Variants in SH3BP1 observed in about 807,000 individuals in gnomAD.
SH3BP1 encodes SH3 domain binding protein 1.
In SH3BP1, 46 loss-of-function variants were observed where a neutral mutation model predicts 69.8. The observed-to-expected ratio is 0.66, with a 90% CI of 0.52 to 0.84. The LOEUF is 0.84. Ranked by LOEUF, SH3BP1 falls within the 40% of genes least tolerant of loss-of-function variation. The pLI, the probability that SH3BP1 is intolerant of heterozygous loss-of-function variation, is 0.00. For synonymous variants in SH3BP1, 403 were observed against 378.0 expected, an observed-to-expected ratio of 1.07 and a Z score of -0.77; for missense variants, 868 against 930.9, an observed-to-expected ratio of 0.93 and a Z score of 0.88.
Position 37,645,083 on chromosome 22 carries a change from C to T in SH3BP1, c.778+123C>T, listed in dbSNP as rs555819050. 7.3e-4 allele frequency: 703 copies of T among 961,040 alleles called. 9 individuals carry two copies. The highest frequency in any genetic ancestry group is 6.4e-3 in the South Asian group (424 of 66,508). 59.5% of individuals were successfully genotyped at this position (961,040 alleles called of 1,614,324 possible). On this transcript the variant is annotated intron_variant, in intron 9 of 17. Coordinates refer to ENST00000649765, the MANE Select transcript of SH3BP1 (RefSeq NM_018957.6). ...GTGGATGGGTTCTGAGAGCTAGGCT[C>T]AATCTGTGATGGAGAGGCAGCTCTG...
intron 15 of SH3BP1, 121 bp from the exon 16 acceptor site, chr22:37,650,421 C>G: frequency 6.7e-7 from 1 of 1,492,482 alleles, no homozygotes; most frequent in Non-Finnish European, 9.0e-7. Context: ...GAGGCTCACA[C>G]GGGAGTGGGG....
intron 14 of SH3BP1, 197 bp downstream of exon 14, chr22:37,648,632 C>T: frequency 1.9e-6 from 1 of 537,560 alleles, no homozygotes; most frequent in Admixed American, 3.1e-5. Context: ...GCAATTCTGG[C>T]ATTTTGGCCA....
rs1601592083 is a variant in SH3BP1, at chr22:37,655,266, C to G, written c.1694-6C>G. The stretch of plus-strand genomic sequence containing the variant: ...CAGCCTCCCTCACCCTTTCCTTCCT[C>G]AACAGCCAAGCGCCCGGCGCCAGCC... On this transcript the variant is annotated splice_region_variant and splice_polypyrimidine_tract_variant and intron_variant, in intron 17 of 17. Transcript: ENST00000649765. The G allele has an allele frequency of 6.3e-7, 1 of 1,583,984 alleles. No homozygotes were observed. Among genetic ancestry groups the G allele is most frequent in the East Asian group, 2.3e-5 (1 of 43,786 alleles).
At position 37,645,358 on chromosome 22, in the gene SH3BP1, C is replaced by A; in HGVS notation, c.779-7C>A. The A allele has an allele frequency of 6.3e-7, 1 of 1,599,682 alleles. No individual in the cohort carries two copies. The highest frequency in any genetic ancestry group is 1.1e-5 in the South Asian group (1 of 90,522). On this transcript the variant is annotated splice_polypyrimidine_tract_variant and splice_region_variant and intron_variant, in intron 9 of 17. Coordinates refer to ENST00000649765, the MANE Select transcript of SH3BP1 (RefSeq NM_018957.6). ...CCCTGGGCCGCTGATCTGTTTCATC[C>A]CTGCAGACCACTCCCCTTCGATGAC...
In SH3BP1 at chr22:37,646,613, C is replaced by A. The variant is rs184746666; in HGVS notation, c.925-205C>A. ...CCCCATGATTTTTCCCGCCTCCTCC[C>A]AGACTTCCCAGCCCTGCCCTTTGCT... is the stretch of plus-strand genomic sequence containing the variant. On this transcript the variant is annotated intron_variant, in intron 10 of 17. Coordinates refer to ENST00000649765, the MANE Select transcript of SH3BP1 (RefSeq NM_018957.6). 6.8e-3 allele frequency among the ~76,000 whole-genome samples: 1,034 copies of A among 152,318 alleles called. 7 individuals are homozygous for A. The highest frequency in any genetic ancestry group is 0.01 in the Non-Finnish European group (695 of 68,024).
intron 1 of SH3BP1, 72 bp downstream of exon 1, chr22:37,639,918 GA>G: frequency 9.7e-7 from 1 of 1,029,878 alleles, no homozygotes; most frequent in Non-Finnish European, 1.4e-6. Flanking sequence ...GGTCGGGGGA[GA>G]CGGGGGTGGG....
chr22:37,649,729 A>G (rs1480042699), intron 14 of SH3BP1: 3 of 241,544 alleles, frequency 1.2e-5, no homozygotes, highest in Non-Finnish European at 2.5e-5. Context: ...GGATGCGGTG[A>G]GCCAAGATCG....
rs1022445459 is a variant in SH3BP1 at position 37,655,883 on chromosome 22, T to G, written c.*199T>G. 9.1e-6 allele frequency: 14 copies of G among 1,539,412 alleles called. No individual in the cohort carries two copies. Among genetic ancestry groups the G allele is most frequent in the Non-Finnish European group, 1.2e-5 (14 of 1,148,434 alleles). On this transcript the variant is annotated 3_prime_UTR_variant, in exon 18 of 18. Coordinates refer to ENST00000649765, the MANE Select transcript of SH3BP1 (RefSeq NM_018957.6). ...TTCCTGACCTTTTCCTCGTCCACCC[T>G]GGGCTTGGGGACCCCCCCACCGGAC...
At chr22:37,648,292 C>A in intron 13 of SH3BP1, 27 bp from the exon 14 acceptor site, 1 of 1,523,884 alleles carries the variant, frequency 6.6e-7, no homozygotes. Context: ...CGTTCTGCCC[C>A]TGGCCTAAGC....
Position 37,647,913 on chromosome 22 carries a change from T to A in SH3BP1, c.1199+392T>A, listed in dbSNP as rs189992080. 4.9e-3 allele frequency among the ~76,000 whole-genome samples: 752 copies of A among 152,296 alleles called. 4 individuals are homozygous for A. Among genetic ancestry groups the A allele is most frequent in the African/African-American group, 0.017 (718 of 41,568 alleles). Reference sequence around the variant, plus strand: ...CTGGTCTTGAACTCCTGACCTCAGGTGATCCACCCGCCTCAGCCTCCCAAA... The same window carrying A: ...CTGGTCTTGAACTCCTGACCTCAGGAGATCCACCCGCCTCAGCCTCCCAAA... On this transcript the variant is annotated intron_variant, in intron 13 of 17. Transcript: ENST00000649765.
At chr22:37,646,501 C>T (rs1197855753) in intron 10 of SH3BP1, among the ~76,000 whole-genome samples, 1 of 152,182 alleles carries the variant, frequency 6.6e-6, no homozygotes, top group East Asian at 1.9e-4. Flanking sequence ...AGTGATCCAC[C>T]TGCACAGGCC....
chr22:37,641,098 T>TCTCCC (rs1932567952), intron 1 of SH3BP1, 28 bp from the exon 2 acceptor site: 1 of 911,378 alleles, frequency 1.1e-6, no homozygotes, highest in African/African-American at 2.2e-5. Flanking sequence ...AGAAGCACTC[T>TCTCCC]CCCCCCCCCC....
rs544921089 is a variant in SH3BP1 at position 37,651,346 on chromosome 22, T to C, written c.1598+621T>C. ...ACTGCACCCAGCCTCTTTTTTTTTT[T>C]TTTTTCTGAGATGGAGTTCACTCTG... is the stretch of plus-strand genomic sequence containing the variant. On this transcript the variant is annotated intron_variant, in intron 16 of 17. Coordinates refer to ENST00000649765, the MANE Select transcript of SH3BP1 (RefSeq NM_018957.6). Among the ~76,000 whole-genome samples, 3 of 151,686 alleles carry C rather than the reference T, an allele frequency of 2.0e-5. No homozygotes were observed. The East Asian group carries it at 5.8e-4, about 29-fold the overall frequency.
intron 13 of SH3BP1, 63 bp from the exon 14 acceptor site, chr22:37,648,256 G>A (rs5756756): frequency 1.7e-6 from 2 of 1,149,996 alleles, no homozygotes; most frequent in African/African-American, 3.0e-5. Context: ...GGAAACCCTG[G>A]GCTGGAGAAT....
At chr22:37,651,821 G>A (rs1932884816) in intron 16 of SH3BP1, among the ~76,000 whole-genome samples, 1 of 151,938 alleles carries the variant, frequency 6.6e-6, no homozygotes, top group Non-Finnish European at 1.5e-5. Context: ...AGCCACCAGT[G>A]CGTTCTCTCT....
chr22:37,649,945 T>G, intron 14 of SH3BP1: 1 of 679,196 alleles, frequency 1.5e-6, no homozygotes, highest in East Asian at 2.8e-5. Flanking sequence ...AAAGGGTCCT[T>G]GATTAATTAG....
chr22:37,650,841 A>T, intron 16 of SH3BP1, 116 bp downstream of exon 16: 1 of 1,344,332 alleles, frequency 7.4e-7, no homozygotes. Context: ...TAGTGTTTTC[A>T]TCCCAAAGAC....
chr22:37,655,540 A>G lies in SH3BP1; in HGVS notation c.1962A>G (p.Pro654=), dbSNP rs1218834519. 1.4e-6 allele frequency: 2 copies of G among 1,455,522 alleles called. No homozygotes were observed. The highest frequency in any genetic ancestry group is 1.8e-6 in the Non-Finnish European group (2 of 1,091,428). The allele number at this position is 1,455,522 out of a possible 1,614,324, so 90.2% of individuals were successfully genotyped here. A position where few individuals can be genotyped will look rare whatever the true frequency, so the allele number is the denominator to read the frequency against. Residue 654 remains proline, a synonymous_variant, in exon 18 of 18, where the codon CCA becomes CCG. Transcript: ENST00000649765. Reference sequence around the variant, plus strand: ...CCCCAGGTCCAGCCTCCCCCAGCCCAGTCTCTTTGAGTAACCCTGCACAGG... The same window carrying G: ...CCCCAGGTCCAGCCTCCCCCAGCCCGGTCTCTTTGAGTAACCCTGCACAGG... ...PASPGPASPS[P]VSLSNPAQVD...
At chr22:37,650,414 G>A in intron 15 of SH3BP1, 128 bp from the exon 16 acceptor site, 1 of 1,490,020 alleles carries the variant, frequency 6.7e-7, no homozygotes. Flanking sequence ...TGGTGGTGAG[G>A]CTCACACGGG....
Sources: allele counts gnomAD v4.1 joint callset (sites outside exome capture counted in the v4.1 genomes callset), GRCh38; gene constraint gnomAD v4.1.1; transcripts MANE v1.5; gene names NCBI Gene and HGNC (gene_info 2026-07-23, HGNC 2026-07-21).